The following OSBPL6 variants were observed in gnomAD, a reference collection of about 807,000 sequenced individuals.
OSBPL6 encodes oxysterol binding protein like 6, also known as oxysterol-binding protein-related protein 6.
Under a neutral mutation model 125.8 loss-of-function variants are expected in OSBPL6, and 49 were observed. That is an observed-to-expected ratio of 0.39 (90% CI 0.31 to 0.49). OSBPL6 has a LOEUF of 0.49. Among genes scored for constraint, OSBPL6 ranks in the 20% least tolerant of loss-of-function variants. The pLI is 0.88. For missense variants in OSBPL6, 986 were observed against 1,135.4 expected, an observed-to-expected ratio of 0.87 and a Z score of 1.89; for synonymous variants, 394 against 391.8, an observed-to-expected ratio of 1.01 and a Z score of -0.07.
intron 2 of OSBPL6, among the ~76,000 whole-genome samples, chr2:178,302,976 A>G (rs1686435043): frequency 6.6e-6 from 1 of 152,190 alleles, no homozygotes; most frequent in African/African-American, 2.4e-5. Context: ...AAGAGTCAGT[A>G]TCTACTTGTA....
intron 1 of OSBPL6, among the ~76,000 whole-genome samples, chr2:178,208,350 C>T (rs1399663019): frequency 2.0e-5 from 3 of 150,996 alleles, no homozygotes; most frequent in Non-Finnish European, 4.4e-5. Context: ...TTAATTAATA[C>T]TTGCTTATCA....
intron 15 of OSBPL6, among the ~76,000 whole-genome samples, chr2:178,380,456 CAAAAAAAAAAA>C (rs60399092): frequency 1.2e-3 from 30 of 25,990 alleles, no homozygotes; most frequent in South Asian, 6.4e-3. Flanking sequence ...GAGTCTGTCT[CAAAAAAAAAAA>C]AAAAAAAAAA....
In OSBPL6 at chr2:178,212,191, C is replaced by G. The variant is rs1351763338; in HGVS notation, c.-351+17517C>G. Among the ~76,000 whole-genome samples the G allele has an allele frequency of 9.9e-5, 15 of 152,236 alleles. No individual in the cohort carries two copies. The East Asian group carries it at 2.9e-3, about 29-fold the overall frequency. ...AGCTCAGCACACTGTAGAGGTTTCC[C>G]TGACATACCCTGTGTCATGCTAATG... On this transcript the variant is annotated intron_variant, in intron 1 of 24. Transcript: ENST00000190611.
At chr2:178,246,057 C>T (rs903871109) in intron 1 of OSBPL6, among the ~76,000 whole-genome samples, 1 of 152,188 alleles carries the variant, frequency 6.6e-6, no homozygotes, top group South Asian at 2.1e-4. Context: ...TCTCTCACTC[C>T]ATCAGTTACA....
intron 1 of OSBPL6, among the ~76,000 whole-genome samples, chr2:178,232,188 T>C: frequency 6.6e-6 from 1 of 152,216 alleles, no homozygotes; most frequent in Non-Finnish European, 1.5e-5. Flanking sequence ...TTCTAGAATC[T>C]GGTCTAAGAT....
At chr2:178,293,311 G>A (rs1381638629) in intron 2 of OSBPL6, among the ~76,000 whole-genome samples, 1 of 152,102 alleles carries the variant, frequency 6.6e-6, no homozygotes, top group Non-Finnish European at 1.5e-5. Context: ...GTGGGTGGGA[G>A]AACCCGTGAT....
At chr2:178,329,744 C>G (rs754593144) in intron 5 of OSBPL6, among the ~76,000 whole-genome samples, 1 of 152,034 alleles carries the variant, frequency 6.6e-6, no homozygotes. Context: ...AGTGGGCCAC[C>G]CAGTATCCTC....
chr2:178,317,486 ATTAT>A (rs200253955), intron 3 of OSBPL6, among the ~76,000 whole-genome samples: 22,249 of 128,570 alleles, frequency 0.17, 2,354 homozygotes, highest in African/African-American at 0.27. Flanking sequence ...ATATAGAATA[ATTAT>A]TCATTCATTC....
chr2:178,206,966 G>C (rs13029471), intron 1 of OSBPL6, among the ~76,000 whole-genome samples: 11 of 151,692 alleles, frequency 7.3e-5, no homozygotes, highest in Admixed American at 6.6e-4. Flanking sequence ...TTTAGGTCTC[G>C]CTGTGTTTCC....
chr2:178,329,102 A>G (rs1377024035), intron 5 of OSBPL6, among the ~76,000 whole-genome samples: 1 of 152,272 alleles, frequency 6.6e-6, no homozygotes, highest in Non-Finnish European at 1.5e-5. Context: ...TTTTTTTACT[A>G]TTGTGATGTG....
chr2:178,382,708 A>G (rs567141040), intron 16 of OSBPL6: 79 of 1,450,844 alleles, frequency 5.4e-5, no homozygotes, highest in Non-Finnish European at 6.8e-5. Flanking sequence ...AATAGTTAAG[A>G]GAAAACGTTT....
At position 178,373,393 on chromosome 2, in the gene OSBPL6, A is replaced by G. The variant is rs577896379; in HGVS notation, c.1396-497A>G. The stretch of plus-strand genomic sequence containing the variant: ...TATTTATCACTTATTGAATAAAAGT[A>G]TAATTTGAAATAAGGTTCAATATTC... On this transcript the variant is annotated intron_variant, in intron 14 of 24. Transcript: ENST00000190611. Among the ~76,000 whole-genome samples the G allele has an allele frequency of 5.9e-5, 9 of 152,370 alleles. 1 individual carries two copies. The South Asian group carries it at 1.9e-3, about 32-fold the overall frequency.
In OSBPL6 at chr2:178,337,381, G is replaced by A. The variant is rs143108677; in HGVS notation, c.790+948G>A. 2.3e-3 allele frequency among the ~76,000 whole-genome samples: 343 copies of A among 152,160 alleles called. 1 individual carries two copies. The highest frequency in any genetic ancestry group is 0.01 in the Middle Eastern group (3 of 294). On this transcript the variant is annotated intron_variant, in intron 9 of 24. Transcript: ENST00000190611. Reference sequence around the variant, plus strand: ...AAAAGAATTTTTTCTTACTCTACCAGCATGTGGACTCAAAGTATGCAGCAT... The same window carrying A: ...AAAAGAATTTTTTCTTACTCTACCAACATGTGGACTCAAAGTATGCAGCAT...
intron 12 of OSBPL6, among the ~76,000 whole-genome samples, chr2:178,358,604 T>C (rs1692039986): frequency 6.6e-6 from 1 of 152,106 alleles, no homozygotes. Flanking sequence ...GAGCTAAAAA[T>C]AGATAAAAGA....
intron 8 of OSBPL6, among the ~76,000 whole-genome samples, chr2:178,334,220 A>G (rs905426854): frequency 1.2e-4 from 18 of 152,156 alleles, no homozygotes; most frequent in Non-Finnish European, 2.6e-4. Context: ...CCGCCTTCAC[A>G]TTTGGCACCT....
At position 178,223,712 on chromosome 2, in the gene OSBPL6, A is replaced by T. The variant is rs538551498; in HGVS notation, c.-351+29038A>T. 2.0e-5 allele frequency among the ~76,000 whole-genome samples: 3 copies of T among 152,216 alleles called. No homozygotes were observed. In the South Asian group the frequency reaches 6.2e-4, roughly 32 times the overall value. The stretch of plus-strand genomic sequence containing the variant: ...GGGTTTTAAAGTGTTCTTTTTAATG[A>T]TTTTAGCACACTCACCTATTGTTAC... On this transcript the variant is annotated intron_variant, in intron 1 of 24. Coordinates refer to ENST00000190611, the MANE Select transcript of OSBPL6 (RefSeq NM_032523.4).
At chr2:178,194,270 C>G (rs1300960302), upstream of OSBPL6, among the ~76,000 whole-genome samples, 4 of 152,290 alleles carry the variant, frequency 2.6e-5, no homozygotes, top group South Asian at 6.2e-4. Context: ...TGGGACCCCG[C>G]GTGACCAGGG....
At chr2:178,291,502 C>T (rs576758742) in intron 2 of OSBPL6, among the ~76,000 whole-genome samples, 28 of 152,128 alleles carry the variant, frequency 1.8e-4, no homozygotes, top group Admixed American at 6.6e-4. Flanking sequence ...CTTTTTATTG[C>T]TTCCTTTTAT....
intron 1 of OSBPL6, among the ~76,000 whole-genome samples, chr2:178,263,836 T>C (rs6729314): frequency 0.2 from 30,827 of 151,078 alleles, 3,173 homozygotes; most frequent in South Asian, 0.28. Context: ...TGTGTGTGTG[T>C]GCGTGTACAC....
Sources: allele counts gnomAD v4.1 joint callset (sites outside exome capture counted in the v4.1 genomes callset), GRCh38; gene constraint gnomAD v4.1.1; transcripts MANE v1.5; gene names NCBI Gene and HGNC (gene_info 2026-07-23, HGNC 2026-07-21).